The following TBC1D4 variants were observed in gnomAD, a reference collection of about 807,000 sequenced individuals.
The protein encoded by TBC1D4 is TBC (Tre-2, BUB2, CDC16) domain-containing protein.
A neutral mutation model predicts 142.5 loss-of-function variants in TBC1D4; 121 were observed. That is an observed-to-expected ratio of 0.85 (90% CI 0.73 to 0.99). TBC1D4 has a LOEUF of 0.99. TBC1D4 is among the 50% of genes least tolerant of loss of function. TBC1D4 has a pLI of 0.00. For missense variants in TBC1D4, 1,475 were observed against 1,606.6 expected (o/e 0.92, Z 1.40); for synonymous variants, 630 against 628.2 (o/e 1.00, Z -0.04).
At chr13:75,302,165 A>G in intron 16 of TBC1D4, 78 bp downstream of exon 16, 1 of 1,576,272 alleles carries the variant, frequency 6.3e-7, no homozygotes, top group East Asian at 2.2e-5. Flanking sequence ...AGCACCAAGA[A>G]CAAACAAAAA....
intron 1 of TBC1D4, among the ~76,000 whole-genome samples, chr13:75,440,476 C>T (rs1314486452): frequency 6.6e-6 from 1 of 151,924 alleles, no homozygotes; most frequent in African/African-American, 2.4e-5. Context: ...CTAGACTGAA[C>T]ATGAAGGAAT....
rs1874745155 is a variant in TBC1D4 at position 75,286,966 on chromosome 13, C to G, written c.3723G>C (p.Glu1241Asp). Reference sequence around the variant, plus strand: ...TCCGGATTAAAGACTTCATTTTGGTCTCTCTCGTCAAAAGATTTTCCAGGT... The same window carrying G: ...TCCGGATTAAAGACTTCATTTTGGTGTCTCTCGTCAAAAGATTTTCCAGGT... The part of the protein sequence containing the change: ...ESNLENLLTR[E>D]TKMKSLIRTL... The change falls in exon 21 of 21, where the codon GAG (glutamate) becomes GAC (aspartate). Residue 1241 changes from glutamate (E) to aspartate (D), a missense_variant. Physicochemically the swap from Glu to Asp is conservative, Grantham distance 45. This residue lies in a region of TBC1D4 where 248 missense variants were observed against 338.9 expected (regional missense o/e 0.73). Transcript: ENST00000377636. 3 of 1,613,786 alleles carry G rather than the reference C, an allele frequency of 1.9e-6. No individual in the cohort carries two copies. In the Admixed American group the frequency reaches 5.0e-5, roughly 27 times the overall value.
At chr13:75,342,086 TA>T (rs1317013122) in intron 5 of TBC1D4, among the ~76,000 whole-genome samples, 4 of 151,824 alleles carry the variant, frequency 2.6e-5, no homozygotes, top group Admixed American at 6.6e-5. Context: ...TAATCCCAGC[TA>T]CTCAGGAGGC....
intron 1 of TBC1D4, among the ~76,000 whole-genome samples, chr13:75,471,927 T>TA (rs1241591062): frequency 2.0e-5 from 3 of 151,178 alleles, no homozygotes; most frequent in African/African-American, 7.3e-5. Flanking sequence ...GTCAACGTGG[T>TA]AAAACCTCAT....
At chr13:75,300,993 A>T (rs1239105317) in intron 16 of TBC1D4, among the ~76,000 whole-genome samples, 1 of 152,198 alleles carries the variant, frequency 6.6e-6, no homozygotes, top group African/African-American at 2.4e-5. Flanking sequence ...TGGGCTCAAA[A>T]AAATAATTAA....
intron 19 of TBC1D4, among the ~76,000 whole-genome samples, chr13:75,291,008 C>A (rs576147525): frequency 6.6e-6 from 1 of 152,320 alleles, no homozygotes; most frequent in East Asian, 1.9e-4. Flanking sequence ...ATCTATCAAG[C>A]TGCTCTTAAG....
rs9573542 is a variant in TBC1D4 at position 75,446,524 on chromosome 13, T to C, written c.498+34746A>G. Among the ~76,000 whole-genome samples, 7 of 152,234 alleles carry C rather than the reference T, an allele frequency of 4.6e-5. 1 individual carries two copies. The East Asian group carries it at 1.3e-3, about 29-fold the overall frequency. The stretch of plus-strand genomic sequence containing the variant: ...ATGAAATCAACATGTGTTAACGTAG[T>C]TTTTATTCAACATTAGGTTTGACAC... On this transcript the variant is annotated intron_variant, in intron 1 of 20. Transcript: ENST00000377636.
chr13:75,302,239 A>T lies in TBC1D4; in HGVS notation c.2911+4T>A, dbSNP rs778896532. On this transcript the variant is annotated splice_donor_region_variant and intron_variant, in intron 16 of 20. Transcript: ENST00000377636. Reference sequence around the variant, plus strand: ...GTAAATTATAATCCACATGACAAACATACCTAAATCCACGAGAATCGCATG... The same window carrying T: ...GTAAATTATAATCCACATGACAAACTTACCTAAATCCACGAGAATCGCATG... The T allele has an allele frequency of 6.2e-6, 10 of 1,614,178 alleles. No homozygotes were observed. The Admixed American group carries it at 1.7e-4, about 27-fold the overall frequency.
Position 75,356,230 on chromosome 13 carries a change from A to C in TBC1D4, c.1192T>G (p.Phe398Val), listed in dbSNP as rs1882036095. ...CSQGIKHVDH[F>V]GFICRESPEP... ...GGAGACTCCCGGCAGATAAAGCCAA[A>C]GTGATCCACATGCTTTATACCCTAG... The change falls in exon 4 of 21, where the codon TTT becomes GTT. Residue 398 changes from phenylalanine to valine, a missense_variant. Phe to Val is a conservative substitution (Grantham distance 50). Transcript: ENST00000377636. The C allele has an allele frequency of 1.9e-6, 3 of 1,613,384 alleles. No individual in the cohort carries two copies. Among genetic ancestry groups the C allele is most frequent in the Non-Finnish European group, 2.5e-6 (3 of 1,179,388 alleles).
At chr13:75,339,140 T>G (rs1430684515) in intron 7 of TBC1D4, among the ~76,000 whole-genome samples, 1 of 152,210 alleles carries the variant, frequency 6.6e-6, no homozygotes, top group Non-Finnish European at 1.5e-5. Context: ...CACATTGGTT[T>G]CTCCTCCTAA....
At chr13:75,458,806 T>C (rs1441896020) in intron 1 of TBC1D4, among the ~76,000 whole-genome samples, 1 of 152,230 alleles carries the variant, frequency 6.6e-6, no homozygotes, top group Admixed American at 6.5e-5. Flanking sequence ...TTAGCTAATA[T>C]TGTGAGAAAG....
chr13:75,400,481 A>G (rs9318342), intron 1 of TBC1D4, among the ~76,000 whole-genome samples: 146,593 of 149,504 alleles, frequency 0.98, 71,934 homozygotes, highest in East Asian at 1. Context: ...TTTTTGAGAC[A>G]GAGTCTCACT....
chr13:75,401,402 C>T (rs1435797250), intron 1 of TBC1D4, among the ~76,000 whole-genome samples: 1 of 152,180 alleles, frequency 6.6e-6, no homozygotes, highest in East Asian at 1.9e-4. Flanking sequence ...CAGTCAAGGT[C>T]CACCCACATA....
At chr13:75,304,463 T>C (rs1876944513) in intron 15 of TBC1D4, among the ~76,000 whole-genome samples, 1 of 152,178 alleles carries the variant, frequency 6.6e-6, no homozygotes, top group East Asian at 1.9e-4. Flanking sequence ...TCTTAGGTGC[T>C]AGGTGTGCAG....
chr13:75,465,735 C>T (rs1437739584), intron 1 of TBC1D4, among the ~76,000 whole-genome samples: 1 of 152,158 alleles, frequency 6.6e-6, no homozygotes, highest in East Asian at 1.9e-4. Context: ...ACTGATAGAA[C>T]AGACTCTTTA....
intron 1 of TBC1D4, among the ~76,000 whole-genome samples, chr13:75,413,492 T>C (rs982936563): frequency 3.9e-5 from 6 of 152,300 alleles, no homozygotes; most frequent in African/African-American, 1.4e-4. Context: ...CATTATAAGA[T>C]TTTTTTGTGA....
rs2138077270 is a variant in TBC1D4 at position 75,341,541 on chromosome 13, T to C, written c.1455A>G (p.Ser485=). 2 of 1,614,066 alleles carry C rather than the reference T, an allele frequency of 1.2e-6. No individual in the cohort carries two copies. The highest frequency in any genetic ancestry group is 1.6e-4 in the Middle Eastern group (1 of 6,062). The change falls in exon 6 of 21, where the codon TCA becomes TCG. Residue 485 remains serine, a synonymous_variant. Transcript: ENST00000377636. ...RAKLVIQRHL[S]SLTDNEQADI... ...CAGCTTGCTCATTATCTGTCAGTGA[T>C]GAGAGATGCCTCTGTATCACCAGCT...
At chr13:75,405,939 T>G (rs554595376) in intron 1 of TBC1D4, among the ~76,000 whole-genome samples, 1 of 152,362 alleles carries the variant, frequency 6.6e-6, no homozygotes, top group South Asian at 2.1e-4. Flanking sequence ...TTTGTTCCTT[T>G]TTAAATTGAA....
chr13:75,294,270 GC>G (rs1875647604), intron 18 of TBC1D4, among the ~76,000 whole-genome samples: 1 of 152,170 alleles, frequency 6.6e-6, no homozygotes, highest in Non-Finnish European at 1.5e-5. Flanking sequence ...TCAGTAACTT[GC>G]CCTGAGCTCT....
Sources: gnomAD v4.1 joint callset for allele counts (sites outside exome capture counted in the v4.1 genomes callset) on GRCh38, gnomAD v4.1.1 for gene constraint, gnomAD v4.1.1 regional missense constraint, MANE v1.5 for transcripts, NCBI Gene and HGNC (gene_info 2026-07-23, HGNC 2026-07-21) for gene names.